TNS1: variants seen among roughly 807,000 people sequenced by gnomAD.
TNS1 encodes tensin-1.
In TNS1, 62 loss-of-function variants were observed where a neutral mutation model predicts 168.6. The ratio of observed to expected loss-of-function variants is 0.37; its 90% CI spans 0.30 to 0.45. The LOEUF (loss-of-function observed/expected upper bound fraction) is 0.45. TNS1 is among the 20% of genes least tolerant of loss of function. The pLI is 1.00. For missense variants in TNS1, 2,240 were observed against 2,339.4 expected (o/e 0.96, Z 0.88); for synonymous variants, 934 against 933.2 (o/e 1.00, Z -0.02).
At chr2:217,914,975 G>A (rs576572419) in intron 4 of TNS1, among the ~76,000 whole-genome samples, 3 of 152,226 alleles carry the variant, frequency 2.0e-5, no homozygotes, top group East Asian at 1.9e-4. Context: ...TAGGCTAAGC[G>A]GCCCTAGGGG....
intron 25 of TNS1, 123 bp downstream of exon 25, chr2:217,814,789 C>T (rs912415507): frequency 4.1e-6 from 3 of 730,920 alleles, no homozygotes; most frequent in Non-Finnish European, 6.9e-6. Context: ...TCAACCCCAG[C>T]CCCCTCTGTG....
At chr2:217,917,586 C>G (rs1377184733) in intron 4 of TNS1, among the ~76,000 whole-genome samples, 2 of 151,982 alleles carry the variant, frequency 1.3e-5, no homozygotes, top group Non-Finnish European at 2.9e-5. Flanking sequence ...AATCCCAGCA[C>G]TTTGAGAGGC....
At chr2:218,003,146 T>TA (rs199554061), upstream of TNS1, among the ~76,000 whole-genome samples, 268 of 150,202 alleles carry the variant, frequency 1.8e-3, 4 homozygotes, top group East Asian at 0.045. Flanking sequence ...GCAGGGGGTG[T>TA]AAAGGGGACA....
chr2:217,960,575 A>G (rs1363855588), intron 3 of TNS1, among the ~76,000 whole-genome samples: 1 of 152,130 alleles, frequency 6.6e-6, no homozygotes, highest in East Asian at 1.9e-4. Flanking sequence ...CTGGGACTCT[A>G]GCACTCGGCC....
chr2:217,921,069 G>A (rs948271683), intron 3 of TNS1, among the ~76,000 whole-genome samples: 3 of 152,016 alleles, frequency 2.0e-5, no homozygotes, highest in South Asian at 2.1e-4. Flanking sequence ...AGGCTCCATC[G>A]CTCCCTTCCC....
intron 11 of TNS1, 124 bp downstream of exon 11, chr2:217,892,824 A>G: frequency 8.9e-7 from 1 of 1,122,884 alleles, no homozygotes; most frequent in Non-Finnish European, 1.3e-6. Flanking sequence ...CCCCGTCCTC[A>G]TCGCTTCTCA....
At chr2:217,884,695 T>C (rs1170053252) in intron 16 of TNS1, among the ~76,000 whole-genome samples, 3 of 150,194 alleles carry the variant, frequency 2.0e-5, no homozygotes, top group Non-Finnish European at 4.4e-5. Flanking sequence ...AGATGCCCAG[T>C]GAATGTTGAA....
In TNS1 at chr2:217,986,775, G is replaced by T. The variant is rs767517600; in HGVS notation, c.148+4167C>A. 1 of 151,952 alleles carries T rather than the reference G, an allele frequency of 6.6e-6. No homozygotes were observed. The highest frequency in any genetic ancestry group is 1.5e-5 in the Non-Finnish European group (1 of 68,104). The allele number at this position is 151,952 out of a possible 1,614,324, so 9.4% of individuals were successfully genotyped here. On this transcript the variant is annotated intron_variant, in intron 2 of 32. Transcript: ENST00000682258. This position sits in a 1 kb window ranked among gnomAD's most constrained non-coding sequence, Gnocchi z 4.7. Reference sequence around the variant, plus strand: ...CACACACACACACGCACGCACGCACGTACCTGTGTCAGCTTTGGTACCGTG... The same window carrying T: ...CACACACACACACGCACGCACGCACTTACCTGTGTCAGCTTTGGTACCGTG...
At chr2:217,916,683 G>A (rs982603019) in intron 4 of TNS1, among the ~76,000 whole-genome samples, 1 of 152,184 alleles carries the variant, frequency 6.6e-6, no homozygotes, top group East Asian at 1.9e-4. Context: ...AAACATGGTT[G>A]AAGATTAAGC....
intron 3 of TNS1, among the ~76,000 whole-genome samples, chr2:217,963,880 C>T (rs1490035929): frequency 2.6e-5 from 3 of 113,914 alleles, no homozygotes; most frequent in African/African-American, 1.1e-4. Context: ...CCCATCTCTA[C>T]TAAAAATACA....
chr2:217,824,997 C>A (rs1943408184), intron 22 of TNS1, among the ~76,000 whole-genome samples: 1 of 152,118 alleles, frequency 6.6e-6, no homozygotes, highest in Admixed American at 6.5e-5. Flanking sequence ...TGATCCTTAC[C>A]CTCCAGCCCC....
intron 3 of TNS1, chr2:217,937,045 G>C: frequency 6.6e-6 from 3 of 456,208 alleles, no homozygotes; most frequent in South Asian, 1.6e-5. Context: ...TTTCCTCCCC[G>C]CAAAACTCCT....
chr2:217,890,336 C>T (rs1951617487), intron 12 of TNS1: 1 of 152,492 alleles, frequency 6.6e-6, no homozygotes, highest in Non-Finnish European at 1.5e-5. Flanking sequence ...TCATGTCCAT[C>T]TCTCTCATTA....
chr2:217,885,300 C>T, intron 15 of TNS1, 136 bp from the exon 16 acceptor site: 1 of 1,240,780 alleles, frequency 8.1e-7, no homozygotes, highest in South Asian at 1.5e-5. Flanking sequence ...TCATCAACAC[C>T]AAACAGGATC....
intron 21 of TNS1, among the ~76,000 whole-genome samples, chr2:217,833,538 G>A (rs568195501): frequency 5.3e-5 from 8 of 152,240 alleles, no homozygotes; most frequent in Non-Finnish European, 1.0e-4. Flanking sequence ...TTCCACCCAA[G>A]GCAAGGTGAT....
At chr2:217,900,263 G>T (rs975974992) in intron 7 of TNS1, among the ~76,000 whole-genome samples, 200 bp downstream of exon 7, 4 of 152,224 alleles carry the variant, frequency 2.6e-5, no homozygotes, top group Admixed American at 6.5e-5. Flanking sequence ...CAGCTCAAGG[G>T]CTGGCTAAGA....
intron 1 of TNS1, among the ~76,000 whole-genome samples, chr2:218,031,142 ATG>A (rs1958891705): frequency 1.4e-5 from 1 of 73,778 alleles, no homozygotes; most frequent in Admixed American, 1.4e-4. Flanking sequence ...GTGTGTGTGT[ATG>A]TGTTGTGTGA....
upstream of TNS1, among the ~76,000 whole-genome samples, chr2:218,004,202 G>A (rs1001517613): frequency 4.6e-5 from 7 of 152,238 alleles, no homozygotes; most frequent in Non-Finnish European, 1.0e-4. Context: ...CAAGGACACA[G>A]TCCAACTCAC....
chr2:217,949,502 G>C (rs1323937982), intron 3 of TNS1, among the ~76,000 whole-genome samples: 1 of 152,192 alleles, frequency 6.6e-6, no homozygotes, highest in African/African-American at 2.4e-5. Context: ...GGAATCCCCA[G>C]ATCTAGACTA....
Sources: allele counts gnomAD v4.1 joint callset (sites outside exome capture counted in the v4.1 genomes callset), GRCh38; gene constraint gnomAD v4.1.1; non-coding constraint Gnocchi (gnomAD v3.1); transcripts MANE v1.5; gene names NCBI Gene and HGNC (gene_info 2026-07-23, HGNC 2026-07-21).